FUT8: variants seen among roughly 807,000 people sequenced by gnomAD.
FUT8 encodes the protein fucosyltransferase 8.
FUT8 carries 29 observed loss-of-function variants against 71.3 expected under a neutral mutation model. The observed-to-expected ratio is 0.41, with a 90% CI of 0.30 to 0.55. FUT8 has a LOEUF of 0.55. Among genes scored for constraint, FUT8 ranks in the 20% least tolerant of loss-of-function variants. The pLI is 0.34. For synonymous variants in FUT8, 254 were observed against 239.3 expected (o/e 1.06, Z -0.57); for missense variants, 544 against 702.1 (o/e 0.77, Z 2.55).
intron 3 of FUT8, among the ~76,000 whole-genome samples, chr14:65,609,729 A>G (rs576146216): frequency 6.6e-6 from 1 of 151,676 alleles, no homozygotes; most frequent in Non-Finnish European, 1.5e-5. Context: ...CATTCATTCA[A>G]TCAGTCATTC....
At chr14:65,538,861 C>A (rs543135426) in intron 2 of FUT8, among the ~76,000 whole-genome samples, 1 of 152,230 alleles carries the variant, frequency 6.6e-6, no homozygotes, top group South Asian at 2.1e-4. Flanking sequence ...TGGAGGTTGG[C>A]AGTGAGCCAA....
intron 3 of FUT8, among the ~76,000 whole-genome samples, chr14:65,604,873 T>C (rs1160583475): frequency 6.6e-6 from 1 of 152,004 alleles, no homozygotes; most frequent in Non-Finnish European, 1.5e-5. Context: ...ATTCTGAGTG[T>C]TGTGCATACC....
chr14:65,623,384 T>C (rs1384118569), intron 5 of FUT8, among the ~76,000 whole-genome samples: 1 of 152,152 alleles, frequency 6.6e-6, no homozygotes, highest in Non-Finnish European at 1.5e-5. Flanking sequence ...ATAGAGGTTT[T>C]AATACCTGTC....
At chr14:65,371,999 C>G in the FUT8 span, among the ~76,000 whole-genome samples, 1 of 152,176 alleles carries the variant, frequency 6.6e-6, no homozygotes, top group African/African-American at 2.4e-5. Context: ...AGTGATACCT[C>G]CAATTCTAAT....
intron 7 of FUT8, among the ~76,000 whole-genome samples, chr14:65,702,744 G>C (rs986224135): frequency 3.3e-5 from 5 of 151,080 alleles, no homozygotes; most frequent in African/African-American, 1.2e-4. Context: ...AAATTTTTGT[G>C]GTTTTTTTTT....
the FUT8 span, among the ~76,000 whole-genome samples, chr14:65,370,547 A>C: frequency 1.5e-4 from 22 of 150,750 alleles, no homozygotes; most frequent in Non-Finnish European, 1.0e-4. Flanking sequence ...CCATTTAATC[A>C]TCACAACTAT....
At chr14:65,497,758 A>G (rs2066581233) in intron 2 of FUT8, among the ~76,000 whole-genome samples, 1 of 152,112 alleles carries the variant, frequency 6.6e-6, no homozygotes, top group Non-Finnish European at 1.5e-5. Context: ...TGAATATATC[A>G]TTTTATTCAG....
intron 7 of FUT8, among the ~76,000 whole-genome samples, 171 bp from the exon 8 acceptor site, chr14:65,721,604 G>A (rs556285996): frequency 3.9e-5 from 6 of 152,268 alleles, no homozygotes; most frequent in South Asian, 2.1e-4. Flanking sequence ...ATTCACCTCC[G>A]TCACTTTTGC....
rs981030692 is a variant in FUT8 at position 65,522,417 on chromosome 14, G to A, written c.-227-38920G>A. On this transcript the variant is annotated intron_variant, in intron 2 of 10. Transcript: ENST00000673929. ...GGAGTTTGAAATTAGGTGTTCTTGG[G>A]TTCTATAAAAATTTAATTCTTAAGG... 4.9e-4 allele frequency among the ~76,000 whole-genome samples: 74 copies of A among 151,706 alleles called. 1 individual carries two copies. Among genetic ancestry groups the A allele is most frequent in the Non-Finnish European group, 1.6e-4 (11 of 67,958 alleles).
intron 6 of FUT8, among the ~76,000 whole-genome samples, chr14:65,663,266 C>A (rs932065480): frequency 6.6e-6 from 1 of 152,014 alleles, no homozygotes. Flanking sequence ...ATATTTGTTG[C>A]TATTCTGGAA....
At chr14:65,523,455 T>C (rs1442146653) in intron 2 of FUT8, among the ~76,000 whole-genome samples, 2 of 152,216 alleles carry the variant, frequency 1.3e-5, no homozygotes, top group African/African-American at 4.8e-5. Flanking sequence ...TTTAAGTTCT[T>C]TGTAGATTCT....
Position 65,412,780 on chromosome 14 carries a change from T to A in FUT8, c.-760T>A, listed in dbSNP as rs536416389. The A allele has an allele frequency of 5.5e-4, 93 of 169,592 alleles. No homozygotes were observed. The highest frequency in any genetic ancestry group is 1.3e-3 in the Admixed American group (21 of 15,610). The allele number at this position is 169,592 out of a possible 1,614,324, so 10.5% of individuals were successfully genotyped here. On this transcript the variant is annotated 5_prime_UTR_variant, in exon 1 of 11. Coordinates refer to ENST00000673929, the MANE Select transcript of FUT8 (RefSeq NM_001371533.1). ...CCGAGGCTTCCCCGCCTGCGCTCGT[T>A]GTCAGAGCCGCTCCGGCGCGTGCGC... is the stretch of plus-strand genomic sequence containing the variant.
intron 1 of FUT8, among the ~76,000 whole-genome samples, chr14:65,425,929 A>T (rs1223950887): frequency 6.6e-6 from 1 of 151,764 alleles, no homozygotes; most frequent in Non-Finnish European, 1.5e-5. Context: ...GTGAGCTGAG[A>T]TCACGCCACT....
At chr14:65,366,722 T>C in the FUT8 span, among the ~76,000 whole-genome samples, 39,426 of 152,068 alleles carry the variant, frequency 0.26, 5,609 homozygotes, top group East Asian at 0.58. Context: ...AAATGACTCC[T>C]GCCCCTCAAA....
intron 2 of FUT8, among the ~76,000 whole-genome samples, chr14:65,544,707 C>T (rs1884884102): frequency 6.6e-6 from 1 of 151,896 alleles, no homozygotes; most frequent in African/African-American, 2.4e-5. Context: ...TACTTTATAA[C>T]TAGGAAGATT....
At chr14:65,692,643 G>C (rs1208559785) in intron 7 of FUT8, among the ~76,000 whole-genome samples, 1 of 151,128 alleles carries the variant, frequency 6.6e-6, no homozygotes, top group African/African-American at 2.4e-5. Flanking sequence ...GGTGGCTGCC[G>C]GGCGGAGACG....
chr14:65,570,372 T>A (rs1212629058), intron 3 of FUT8, among the ~76,000 whole-genome samples: 1 of 151,642 alleles, frequency 6.6e-6, no homozygotes, highest in Non-Finnish European at 1.5e-5. Context: ...CTTCCACAGC[T>A]CTCTAATGCC....
At position 65,591,657 on chromosome 14, in the gene FUT8, G is replaced by A. The variant is rs572189208; in HGVS notation, c.204-24321G>A. Among the ~76,000 whole-genome samples, 14 of 152,182 alleles carry A rather than the reference G, an allele frequency of 9.2e-5. No homozygotes were observed. The East Asian group carries it at 2.7e-3, about 29-fold the overall frequency. ...ATCATTTTTTTCATTGGTGACATGA[G>A]GGGAAGCTGAGGAGGATCTTTATCT... On this transcript the variant is annotated intron_variant, in intron 3 of 10. Transcript: ENST00000673929.
In FUT8 at chr14:65,414,994, C is replaced by G. The variant is rs151038665; in HGVS notation, c.-326+1780C>G. ...CAGTTCTGTTTAAGATGTATGGAAT[C>G]GAAAAAAACAAAACAAAACTAATTC... On this transcript the variant is annotated intron_variant, in intron 1 of 10. Transcript: ENST00000673929. Among the ~76,000 whole-genome samples, 1,476 of 151,946 alleles carry G rather than the reference C, an allele frequency of 9.7e-3. 14 individuals are homozygous for G. Among genetic ancestry groups the G allele is most frequent in the Admixed American group, 0.014 (215 of 15,282 alleles).
Sources: gnomAD v4.1 joint callset for allele counts (sites outside exome capture counted in the v4.1 genomes callset) on GRCh38, gnomAD v4.1.1 for gene constraint, MANE v1.5 for transcripts, NCBI Gene and HGNC (gene_info 2026-07-23, HGNC 2026-07-21) for gene names.